The following NR2C2 variants were observed in gnomAD, a reference collection of about 807,000 sequenced individuals.
NR2C2 encodes Nuclear hormone receptor TR4.
Under a neutral mutation model 62.9 loss-of-function variants are expected in NR2C2, and 6 were observed. The observed-to-expected ratio is 0.10, with a 90% CI of 0.05 to 0.19. The LOEUF (loss-of-function observed/expected upper bound fraction) is 0.19. Ranked by LOEUF, NR2C2 falls within the 10% of genes least tolerant of loss-of-function variation. The pLI is 1.00. For synonymous variants in NR2C2, 272 were observed against 273.8 expected (o/e 0.99, Z 0.07); for missense variants, 479 against 762.7 (o/e 0.63, Z 4.38).
At chr3:14,970,737 G>A (rs534201054) in intron 1 of NR2C2, among the ~76,000 whole-genome samples, 5 of 152,246 alleles carry the variant, frequency 3.3e-5, no homozygotes, top group African/African-American at 1.2e-4. Flanking sequence ...ATCTGTCAGT[G>A]GGCATTTGGG....
intron 1 of NR2C2, among the ~76,000 whole-genome samples, chr3:14,969,730 G>A (rs929753791): frequency 1.3e-5 from 2 of 152,206 alleles, no homozygotes; most frequent in Non-Finnish European, 2.9e-5. Context: ...CCTGGGCTAT[G>A]TAAGGGGCTC....
rs2042541484 is a variant in NR2C2, at chr3:15,048,682, ACAACT to A, written c.*5678_*5682del. Reference sequence around the variant, plus strand: ...ATGGACTCAAATGCTGCTGCCACACACAACTCAAGTGCTGGAATATTTTTCTACAG... The same window carrying A: ...ATGGACTCAAATGCTGCTGCCACACACAAGTGCTGGAATATTTTTCTACAG... On this transcript the variant is annotated 3_prime_UTR_variant, in exon 14 of 14. Coordinates refer to ENST00000425241, the MANE Select transcript of NR2C2 (RefSeq NM_001291694.2). The A allele has an allele frequency of 6.6e-6, 1 of 152,638 alleles. No individual in the cohort carries two copies. Among genetic ancestry groups the A allele is most frequent in the African/African-American group, 2.4e-5 (1 of 41,444 alleles). 9.5% of individuals were successfully genotyped at this position (152,638 alleles called of 1,614,324 possible). A position where few individuals can be genotyped will look rare whatever the true frequency, so the allele number is the denominator to read the frequency against.
At chr3:14,950,404 C>T (rs1344876045) in intron 1 of NR2C2, among the ~76,000 whole-genome samples, 1 of 152,184 alleles carries the variant, frequency 6.6e-6, no homozygotes, top group Non-Finnish European at 1.5e-5. Context: ...CTTCCTGTTC[C>T]ATGTTTAAAA....
intron 1 of NR2C2, among the ~76,000 whole-genome samples, chr3:14,988,362 C>A (rs930701878): frequency 3.3e-5 from 5 of 152,252 alleles, no homozygotes; most frequent in African/African-American, 9.6e-5. Context: ...AGAGGCACTG[C>A]CTCACCCAAA....
chr3:15,029,095 T>C (rs1464375826), intron 8 of NR2C2, among the ~76,000 whole-genome samples: 2 of 149,900 alleles, frequency 1.3e-5, no homozygotes, highest in African/African-American at 5.1e-5. Flanking sequence ...TTCTCATCTA[T>C]ATTTTTCTTT....
chr3:14,950,019 G>C (rs991925548), intron 1 of NR2C2, among the ~76,000 whole-genome samples: 5 of 152,158 alleles, frequency 3.3e-5, no homozygotes, highest in African/African-American at 9.7e-5. Flanking sequence ...CTTCCTTCCT[G>C]AACTGAAGAT....
intron 1 of NR2C2, among the ~76,000 whole-genome samples, chr3:14,952,322 TG>T (rs2039390353): frequency 6.6e-6 from 1 of 152,004 alleles, no homozygotes; most frequent in Non-Finnish European, 1.5e-5. Flanking sequence ...ACTGAGCCAC[TG>T]GTCTGTGTCT....
intron 2 of NR2C2, among the ~76,000 whole-genome samples, chr3:15,009,187 A>G (rs577923018): frequency 6.6e-6 from 1 of 152,288 alleles, no homozygotes; most frequent in African/African-American, 2.4e-5. Flanking sequence ...GTGCCATTGC[A>G]CTCCAGCCTG....
intron 1 of NR2C2, among the ~76,000 whole-genome samples, chr3:14,971,810 CTTTTTT>C (rs533448715): frequency 2.2e-5 from 3 of 135,466 alleles, no homozygotes; most frequent in Non-Finnish European, 4.7e-5. Flanking sequence ...TTTCTTTTTT[CTTTTTT>C]TTTTTTTTTG....
intron 2 of NR2C2, among the ~76,000 whole-genome samples, chr3:15,010,452 T>C (rs2041320530): frequency 6.6e-6 from 1 of 151,958 alleles, no homozygotes; most frequent in South Asian, 2.1e-4. Context: ...GGTGCATTGG[T>C]TCTCACCTGT....
At chr3:15,009,262 G>C (rs1197265157) in intron 2 of NR2C2, among the ~76,000 whole-genome samples, 2 of 152,116 alleles carry the variant, frequency 1.3e-5, no homozygotes, top group Non-Finnish European at 1.5e-5. Context: ...CCTAGAAAAA[G>C]CCTTGTAGAT....
At chr3:14,973,159 C>G (rs1014275500) in intron 1 of NR2C2, among the ~76,000 whole-genome samples, 1 of 152,094 alleles carries the variant, frequency 6.6e-6, no homozygotes, top group African/African-American at 2.4e-5. Context: ...TATGTTCTTT[C>G]TTTTGTTGCT....
intron 1 of NR2C2, among the ~76,000 whole-genome samples, chr3:14,969,922 A>G (rs942649805): frequency 2.6e-5 from 4 of 152,230 alleles, no homozygotes; most frequent in African/African-American, 9.6e-5. Context: ...AGTATTGGCA[A>G]GGCCGTGTCC....
intron 1 of NR2C2, among the ~76,000 whole-genome samples, chr3:14,994,136 T>C (rs1030969913): frequency 5.3e-5 from 8 of 152,088 alleles, no homozygotes; most frequent in Non-Finnish European, 1.2e-4. Context: ...TGAAATACTT[T>C]TTGAATAGTG....
intron 1 of NR2C2, among the ~76,000 whole-genome samples, chr3:14,986,201 TATA>T (rs1209587202): frequency 2.6e-5 from 4 of 152,088 alleles, no homozygotes; most frequent in African/African-American, 9.7e-5. Flanking sequence ...AAAATCAATA[TATA>T]ATAATAATTA....
intron 8 of NR2C2, among the ~76,000 whole-genome samples, chr3:15,029,162 C>A (rs981390361): frequency 6.9e-6 from 1 of 144,010 alleles, no homozygotes; most frequent in Non-Finnish European, 1.5e-5. Flanking sequence ...CTAGGCTGGT[C>A]TAGAACTCTT....
intron 2 of NR2C2, among the ~76,000 whole-genome samples, chr3:15,008,945 G>A (rs926358301): frequency 6.6e-6 from 1 of 152,172 alleles, no homozygotes; most frequent in African/African-American, 2.4e-5. Context: ...ACTTGGTCGG[G>A]CGCGGCGGCT....
chr3:15,016,276 T>C, intron 4 of NR2C2, 22 bp downstream of exon 4: 1 of 1,570,166 alleles, frequency 6.4e-7, no homozygotes, highest in Non-Finnish European at 8.8e-7. Flanking sequence ...CAGGTTATGC[T>C]GGCACTTATA....
At position 15,042,854 on chromosome 3, in the gene NR2C2, G is replaced by A; in HGVS notation, c.1637G>A (p.Arg546His). 1 of 1,612,242 alleles carries A rather than the reference G, an allele frequency of 6.2e-7. No individual in the cohort carries two copies. The highest frequency in any genetic ancestry group is 8.5e-7 in the Non-Finnish European group (1 of 1,179,624). Reference protein sequence around the residue: ...DTYRLARILVRLPALRLMSSN... With the variant: ...DTYRLARILVHLPALRLMSSN... Reference sequence around the variant, plus strand: ...TATAGATTGGCCCGGATCCTCGTTCGCCTGCCGGCACTCAGGCTGATGAGC... The same window carrying A: ...TATAGATTGGCCCGGATCCTCGTTCACCTGCCGGCACTCAGGCTGATGAGC... Residue 546 changes from arginine (R) to histidine (H), a missense_variant, in exon 14 of 14, where the codon CGC (arginine) becomes CAC (histidine). Physicochemically the swap from Arg to His is conservative, Grantham distance 29. Coordinates refer to ENST00000425241, the MANE Select transcript of NR2C2 (RefSeq NM_001291694.2).
Sources: allele counts gnomAD v4.1 joint callset (sites outside exome capture counted in the v4.1 genomes callset), GRCh38; gene constraint gnomAD v4.1.1; transcripts MANE v1.5; gene names NCBI Gene and HGNC (gene_info 2026-07-23, HGNC 2026-07-21).